Variants in NPC1L1 observed in about 807,000 individuals in gnomAD.
The protein encoded by NPC1L1 is NPC1-like intracellular cholesterol transporter 1.
In NPC1L1, 98 loss-of-function variants were observed where a neutral mutation model predicts 117.0. The ratio of observed to expected loss-of-function variants is 0.84; its 90% CI spans 0.71 to 0.99. NPC1L1 has a LOEUF of 0.99. Ranked by LOEUF, NPC1L1 falls within the 50% of genes least tolerant of loss-of-function variation. NPC1L1 has a pLI of 0.00. For synonymous variants in NPC1L1, 729 were observed against 727.6 expected, an observed-to-expected ratio of 1.00 and a Z score of -0.03; for missense variants, 1,540 against 1,710.0, an observed-to-expected ratio of 0.90 and a Z score of 1.75.
intron 11 of NPC1L1, 44 bp from the exon 12 acceptor site, chr7:44,521,880 G>T (rs187418321): frequency 6.2e-6 from 10 of 1,612,920 alleles, no homozygotes; most frequent in Non-Finnish European, 7.6e-6. Context: ...CAGCTGGGCA[G>T]GGTGGTGGGT....
Position 44,539,474 on chromosome 7 carries a change from G to A in NPC1L1, c.923C>T (p.Ala308Val), listed in dbSNP as rs776788939. ...CATCTTGCTTTTGTCCCTGGCGGGG[G>A]CCACACGGAATCCCACAAGCAGGAT... ...VTILLVGFRV[A>V]PARDKSKMVD... The change falls in exon 2 of 19, where the codon GCC becomes GTC. Residue 308 changes from alanine to valine, a missense_variant. Around this residue, in one of 3 missense-constraint regions of NPC1L1, gnomAD observed 793 missense variants for 820.4 expected, o/e 0.97. Transcript: ENST00000381160. This position sits in a 1 kb window ranked among gnomAD's most constrained non-coding sequence, Gnocchi z 4.4. The A allele has an allele frequency of 1.2e-6, 2 of 1,614,040 alleles. No homozygotes were observed. Among genetic ancestry groups the A allele is most frequent in the Middle Eastern group, 1.7e-4 (1 of 6,060 alleles).
chr7:44,517,170 C>T (rs1239108256), intron 15 of NPC1L1, 37 bp downstream of exon 15: 1 of 1,613,724 alleles, frequency 6.2e-7, no homozygotes, highest in African/African-American at 1.3e-5. Context: ...AGCAACCATA[C>T]CCCACCTCCC....
At position 44,538,995 on chromosome 7, in the gene NPC1L1, G is replaced by A; in HGVS notation, c.1402C>T (p.Gln468Ter). Residue 468 changes from glutamine (Q) to a stop codon, truncating the protein, a stop_gained, in exon 2 of 19, where the codon CAG (glutamine) becomes TAG (stop). Transcript: ENST00000381160. LOFTEE classifies it high-confidence loss of function. This position sits in a 1 kb window ranked among gnomAD's most constrained non-coding sequence, Gnocchi z 5.9. ...SPEAQRNISLQDICYAPLNPD... is the reference protein window; with the variant it reads ...SPEAQRNISL Reference sequence around the variant, plus strand: ...TTGAGGGGGGCGTAGCAGATGTCCTGCAGGGAGATGTTGCGCTGTGCTTCG... The same window carrying A: ...TTGAGGGGGGCGTAGCAGATGTCCTACAGGGAGATGTTGCGCTGTGCTTCG... 4 of 1,614,206 alleles carry A rather than the reference G, an allele frequency of 2.5e-6. No individual in the cohort carries two copies. Among genetic ancestry groups the A allele is most frequent in the Non-Finnish European group, 3.4e-6 (4 of 1,180,036 alleles).
intron 14 of NPC1L1, chr7:44,518,611 G>T: frequency 1.5e-6 from 1 of 685,632 alleles, no homozygotes; most frequent in Non-Finnish European, 2.2e-6. Context: ...AGAGGTTGCA[G>T]TGAGCCGAGA....
intron 10 of NPC1L1, among the ~76,000 whole-genome samples, chr7:44,529,730 A>G (rs536982988): frequency 6.6e-6 from 1 of 152,202 alleles, no homozygotes; most frequent in Admixed American, 6.5e-5. Context: ...AGAGTGGTCA[A>G]ACTCATAGAA....
chr7:44,516,863 A>G lies in NPC1L1; in HGVS notation c.3359T>C (p.Leu1120Pro), dbSNP rs758494260. The G allele has an allele frequency of 1.2e-6, 2 of 1,614,198 alleles. No homozygotes were observed. Among genetic ancestry groups the G allele is most frequent in the Non-Finnish European group, 1.7e-6 (2 of 1,180,044 alleles). Residue 1120 changes from leucine (L) to proline (P), a missense_variant, in exon 16 of 19, where the codon CTT becomes CCT. This residue lies in a region of NPC1L1 where 742 missense variants were observed against 873.6 expected (regional missense o/e 0.85). Transcript: ENST00000381160. ...GCAGGAGACAGCGAAGGTGGGCACAAGGCAGAGGCTGAGCATGAAGAGCCC... is the reference window on the plus strand; with the variant it reads ...GCAGGAGACAGCGAAGGTGGGCACAGGGCAGAGGCTGAGCATGAAGAGCCC... ...PEGLFMLSLCLVPTFAVSCLL... is the reference protein window; with the variant it reads ...PEGLFMLSLCPVPTFAVSCLL...
In NPC1L1 at chr7:44,539,180, C is replaced by A. The variant is rs771353589; in HGVS notation, c.1217G>T (p.Arg406Leu). Residue 406 changes from arginine to leucine, a missense_variant, in exon 2 of 19, where the codon CGA becomes CTA. Physicochemically the swap from Arg to Leu is moderately radical, Grantham distance 102. Transcript: ENST00000381160. The surrounding 1 kb of genome is among the most constrained non-coding windows in gnomAD (Gnocchi z 4.4). ...AGCCGTCAGGATCACCTGGTTGGTTCGGAAGAAGGGGCCGAAATGCTGGTC... is the reference window on the plus strand; with the variant it reads ...AGCCGTCAGGATCACCTGGTTGGTTAGGAAGAAGGGGCCGAAATGCTGGTC... Reference protein sequence around the residue: ...FHDQHFGPFFRTNQVILTAPN... With the variant: ...FHDQHFGPFFLTNQVILTAPN... 6.2e-7 allele frequency: 1 copy of A among 1,614,056 alleles called. No homozygotes were observed. The highest frequency in any genetic ancestry group is 8.5e-7 in the Non-Finnish European group (1 of 1,180,028).
rs1389448799 is a variant in NPC1L1 at position 44,513,385 on chromosome 7, A to G, written c.*62T>C. 6.6e-7 allele frequency: 1 copy of G among 1,512,106 alleles called. No homozygotes were observed. Among genetic ancestry groups the G allele is most frequent in the African/African-American group, 1.4e-5 (1 of 72,776 alleles). The allele number at this position is 1,512,106 out of a possible 1,614,324, so 93.7% of individuals were successfully genotyped here. The stretch of plus-strand genomic sequence containing the variant: ...GGGCGTGTGTCAAGGGGCAGTCACA[A>G]GGAAGATCCCCATAACCCTTTGGTT... On this transcript the variant is annotated 3_prime_UTR_variant, in exon 19 of 19. Coordinates refer to ENST00000381160, the MANE Select transcript of NPC1L1 (RefSeq NM_001101648.2).
intron 10 of NPC1L1, among the ~76,000 whole-genome samples, chr7:44,529,169 G>A (rs372650936): frequency 1.1e-4 from 16 of 149,436 alleles, no homozygotes; most frequent in Admixed American, 2.0e-4. Context: ...ACACACGATC[G>A]AGATTGTGAG....
Position 44,539,367 on chromosome 7 carries a change from A to C in NPC1L1, c.1030T>G (p.Trp344Gly). 6.2e-7 allele frequency: 1 copy of C among 1,613,598 alleles called. No individual in the cohort carries two copies. The highest frequency in any genetic ancestry group is 1.1e-5 in the South Asian group (1 of 91,068). The change falls in exon 2 of 19, where the codon TGG becomes GGG. Residue 344 changes from tryptophan to glycine, a missense_variant. Physicochemically the swap from Trp to Gly is radical, Grantham distance 184 (BLOSUM62 -2). Transcript: ENST00000381160. This position sits in a 1 kb window ranked among gnomAD's most constrained non-coding sequence, Gnocchi z 4.4. ...GGCCACGAAGCCACCCACGTGCCCCAGCCCTGGAAGAACTGGCCAAGGAGG... is the reference window on the plus strand; with the variant it reads ...GGCCACGAAGCCACCCACGTGCCCCCGCCCTGGAAGAACTGGCCAAGGAGG... ...HTLLGQFFQG[W>G]GTWVASWPLT...
chr7:44,521,816 G>C lies in NPC1L1; in HGVS notation c.2849C>G (p.Ala950Gly). ...AATGAAGTCATCCACCCAGGAGGAG[G>C]CAGGGATGGCCAGGTAAGACCTAAG... ...FPEQSYLAIP[A>G]SSWVDDFIDW... Residue 950 changes from alanine to glycine, a missense_variant, in exon 12 of 19, where the codon GCC (alanine) becomes GGC (glycine). This residue lies in a region of NPC1L1 where 742 missense variants were observed against 873.6 expected (regional missense o/e 0.85). Coordinates refer to ENST00000381160, the MANE Select transcript of NPC1L1 (RefSeq NM_001101648.2). The C allele has an allele frequency of 6.2e-7, 1 of 1,614,184 alleles. No homozygotes were observed. The highest frequency in any genetic ancestry group is 8.5e-7 in the Non-Finnish European group (1 of 1,180,040).
intron 10 of NPC1L1, among the ~76,000 whole-genome samples, chr7:44,527,543 A>C (rs1448016621): frequency 6.6e-6 from 1 of 150,670 alleles, no homozygotes; most frequent in Non-Finnish European, 1.5e-5. Context: ...GGCTAGGCAT[A>C]GTGGCTTACA....
intron 14 of NPC1L1, chr7:44,518,720 C>A: frequency 1.7e-6 from 2 of 1,182,068 alleles, no homozygotes; most frequent in Non-Finnish European, 2.2e-6. Flanking sequence ...GCATGTGTAT[C>A]TGAAAAAGAA....
Position 44,539,151 on chromosome 7 carries a change from T to C in NPC1L1, c.1246A>G (p.Asn416Asp), listed in dbSNP as rs1801995835. 6.2e-7 allele frequency: 1 copy of C among 1,613,952 alleles called. No individual in the cohort carries two copies. The highest frequency in any genetic ancestry group is 1.7e-5 in the Admixed American group (1 of 59,990). The change falls in exon 2 of 19, where the codon AAC becomes GAC. Residue 416 changes from asparagine to aspartate, a missense_variant. By Grantham distance (23) the Asn-to-Asp change is conservative. Around this residue, in one of 3 missense-constraint regions of NPC1L1, gnomAD observed 793 missense variants for 820.4 expected, o/e 0.97. Coordinates refer to ENST00000381160, the MANE Select transcript of NPC1L1 (RefSeq NM_001101648.2). This position sits in a 1 kb window ranked among gnomAD's most constrained non-coding sequence, Gnocchi z 4.4. ...GAGTCATACCTGTAGCTGGACCGGT[T>C]AGGAGCCGTCAGGATCACCTGGTTG... ...RTNQVILTAPNRSSYRYDSLL... is the reference protein window; with the variant it reads ...RTNQVILTAPDRSSYRYDSLL...
chr7:44,515,707 G>T (rs75336131), intron 18 of NPC1L1, 96 bp downstream of exon 18: 16 of 1,497,946 alleles, frequency 1.1e-5, no homozygotes, highest in Non-Finnish European at 1.3e-5. Flanking sequence ...CCCATGGCTC[G>T]TTTGCACTTC....
chr7:44,515,331 G>A (rs138534832), intron 18 of NPC1L1, among the ~76,000 whole-genome samples: 109 of 152,288 alleles, frequency 7.2e-4, no homozygotes, highest in African/African-American at 2.5e-3. Context: ...TCCAGCCTGG[G>A]TGTCAGAGCA....
intron 1 of NPC1L1, 115 bp downstream of exon 1, chr7:44,541,091 C>T (rs1485769671): frequency 1.1e-5 from 13 of 1,173,870 alleles, no homozygotes; most frequent in South Asian, 5.4e-5. Flanking sequence ...TTGCCCAGCC[C>T]GCAGGCCCTG....
chr7:44,525,327 G>A (rs971166647), intron 10 of NPC1L1, among the ~76,000 whole-genome samples: 1 of 151,770 alleles, frequency 6.6e-6, no homozygotes, highest in Non-Finnish European at 1.5e-5. Flanking sequence ...GCACAATCTC[G>A]GCTCACTGCA....
At position 44,538,858 on chromosome 7, in the gene NPC1L1, G is replaced by A; in HGVS notation, c.1539C>T (p.Thr513=). ...AATGGTCCTTCCAGTCGACTTGGGA[G>A]GTCTGCCCCATCAGTGTCTGGTTGG... ...LTANQTLMGQ[T]SQVDWKDHFL... The change falls in exon 2 of 19, where the codon ACC becomes ACT. Residue 513 remains threonine, a synonymous_variant. Coordinates refer to ENST00000381160, the MANE Select transcript of NPC1L1 (RefSeq NM_001101648.2). This position sits in a 1 kb window ranked among gnomAD's most constrained non-coding sequence, Gnocchi z 5.9. The A allele has an allele frequency of 6.2e-7, 1 of 1,614,226 alleles. No individual in the cohort carries two copies. Among genetic ancestry groups the A allele is most frequent in the Non-Finnish European group, 8.5e-7 (1 of 1,180,040 alleles).
Sources: allele counts gnomAD v4.1 joint callset (sites outside exome capture counted in the v4.1 genomes callset), GRCh38; gene constraint gnomAD v4.1.1; regional missense constraint gnomAD v4.1.1; non-coding constraint Gnocchi (gnomAD v3.1); transcripts MANE v1.5; gene names NCBI Gene and HGNC (gene_info 2026-07-23, HGNC 2026-07-21).